THSD7B: variants seen among roughly 807,000 people sequenced by gnomAD.
THSD7B encodes thrombospondin type 1 domain containing 7B.
A neutral mutation model predicts 213.6 loss-of-function variants in THSD7B; 138 were observed. That is an observed-to-expected ratio of 0.65 (90% confidence interval 0.56 to 0.74). The LOEUF is 0.74. Ranked by LOEUF, THSD7B falls within the 30% of genes least tolerant of loss-of-function variation. The pLI is 0.00. For synonymous variants in THSD7B, 742 were observed against 687.0 expected (o/e 1.08, Z -1.25); for missense variants, 1,931 against 1,991.5 (o/e 0.97, Z 0.58).
At chr2:137,155,498 G>A (rs1466696477) in intron 5 of THSD7B, among the ~76,000 whole-genome samples, 1 of 152,160 alleles carries the variant, frequency 6.6e-6, no homozygotes, top group Non-Finnish European at 1.5e-5. Flanking sequence ...TACAAACATC[G>A]TGGCTGGAGT....
chr2:137,552,882 G>C (rs977440512), intron 15 of THSD7B, among the ~76,000 whole-genome samples: 1 of 152,176 alleles, frequency 6.6e-6, no homozygotes, highest in African/African-American at 2.4e-5. Context: ...TGGGGGGAAA[G>C]TGTGAGCCAT....
intron 14 of THSD7B, among the ~76,000 whole-genome samples, chr2:137,442,669 C>A (rs1687440694): frequency 6.6e-6 from 1 of 152,062 alleles, no homozygotes; most frequent in Admixed American, 6.6e-5. Context: ...CATTTCTGCT[C>A]ACATTTTATT....
In THSD7B at chr2:137,189,928, C is replaced by CA. The variant is rs566008317; in HGVS notation, c.1723+18991dup. Among the ~76,000 whole-genome samples the CA allele has an allele frequency of 8.9e-4, 136 of 152,204 alleles. 5 individuals carry two copies. The South Asian group carries it at 0.027, about 30-fold the overall frequency. The stretch of plus-strand genomic sequence containing the variant: ...TCTAAATTGCCTTCCATTCCTAGCA[C>CA]ATTGTTAGACTCGAATCAGTCAGGG... On this transcript the variant is annotated intron_variant, in intron 7 of 27. Transcript: ENST00000409968.
chr2:137,130,644 T>G (rs1171859399), intron 5 of THSD7B, among the ~76,000 whole-genome samples: 3 of 151,070 alleles, frequency 2.0e-5, no homozygotes, highest in Non-Finnish European at 4.4e-5. Flanking sequence ...TTTTTTGTCC[T>G]TGAGATAGTT....
intron 1 of THSD7B, among the ~76,000 whole-genome samples, chr2:136,805,628 C>G (rs970759849): frequency 6.6e-6 from 1 of 152,182 alleles, no homozygotes; most frequent in Non-Finnish European, 1.5e-5. Context: ...CTCCAGGAAG[C>G]AGAACCGTAT....
chr2:137,156,741 A>G (rs760909114), intron 5 of THSD7B, among the ~76,000 whole-genome samples: 1 of 152,134 alleles, frequency 6.6e-6, no homozygotes, highest in Non-Finnish European at 1.5e-5. Context: ...ACTGCCAACC[A>G]TAAGCCCTTC....
In THSD7B at chr2:137,242,483, C is replaced by T. The variant is rs373850259; in HGVS notation, c.2177C>T (p.Thr726Ile). The change falls in exon 10 of 28, where the codon ACT (threonine) becomes ATT (isoleucine). Residue 726 changes from threonine to isoleucine, a missense_variant. Coordinates refer to ENST00000409968, the MANE Select transcript of THSD7B (RefSeq NM_001316349.2). ...TGTCCAGATTCTACTCGACCTGAAA[C>T]TGTGCGCCCCTGTTTTCTCCCATGC... ...KRCPDSTRPE[T>I]VRPCFLPCKK... The T allele has an allele frequency of 9.3e-6, 15 of 1,613,768 alleles. No individual in the cohort carries two copies. The African/African-American group carries it at 1.9e-4, about 20-fold the overall frequency.
intron 2 of THSD7B, among the ~76,000 whole-genome samples, chr2:136,993,634 G>T (rs771811634): frequency 6.6e-6 from 1 of 152,194 alleles, no homozygotes; most frequent in Non-Finnish European, 1.5e-5. Context: ...AAATGAGAAG[G>T]TAATTCATAC....
chr2:136,847,195 G>A (rs1324596922), intron 1 of THSD7B, among the ~76,000 whole-genome samples: 7 of 152,134 alleles, frequency 4.6e-5, no homozygotes, highest in Admixed American at 2.0e-4. Flanking sequence ...GTTACTGGCC[G>A]AGGGGCCAGT....
intron 2 of THSD7B, among the ~76,000 whole-genome samples, chr2:136,959,318 C>T (rs2105082480): frequency 6.6e-6 from 1 of 152,320 alleles, no homozygotes; most frequent in Admixed American, 6.5e-5. Flanking sequence ...TAAGCTGTCC[C>T]TCTCTTCTCT....
chr2:137,539,280 A>AT (rs112065451), intron 15 of THSD7B, among the ~76,000 whole-genome samples: 2 of 151,198 alleles, frequency 1.3e-5, no homozygotes, highest in East Asian at 2.0e-4. Context: ...GATAATTCAA[A>AT]TTTTTTTTTC....
intron 5 of THSD7B, among the ~76,000 whole-genome samples, chr2:137,153,442 C>A (rs962139482): frequency 2.6e-5 from 4 of 152,026 alleles, no homozygotes; most frequent in Admixed American, 2.0e-4. Flanking sequence ...CATCTTCCTG[C>A]CAAATTGTAT....
chr2:137,381,938 T>G (rs1278771818), intron 12 of THSD7B, among the ~76,000 whole-genome samples: 1 of 152,092 alleles, frequency 6.6e-6, no homozygotes, highest in East Asian at 1.9e-4. Context: ...AGGCCACATG[T>G]GAAATGAGCG....
At chr2:137,427,028 A>G (rs1687074912) in intron 14 of THSD7B, among the ~76,000 whole-genome samples, 1 of 152,188 alleles carries the variant, frequency 6.6e-6, no homozygotes, top group African/African-American at 2.4e-5. Context: ...ACAAACAGCC[A>G]ACAAGGATAT....
At chr2:137,232,647 G>A (rs1010042058) in intron 8 of THSD7B, among the ~76,000 whole-genome samples, 1 of 152,190 alleles carries the variant, frequency 6.6e-6, no homozygotes. Context: ...GGGCAACAGA[G>A]TCAATTAATT....
intron 12 of THSD7B, among the ~76,000 whole-genome samples, chr2:137,300,085 C>T (rs1683564773): frequency 6.6e-6 from 1 of 152,074 alleles, no homozygotes; most frequent in African/African-American, 2.4e-5. Context: ...TCTTAAAAAT[C>T]TGTTTCTTAA....
At chr2:137,413,619 G>A (rs1022515216) in intron 14 of THSD7B, among the ~76,000 whole-genome samples, 2 of 152,186 alleles carry the variant, frequency 1.3e-5, no homozygotes, top group African/African-American at 4.8e-5. Flanking sequence ...ATAAAAGCTA[G>A]GAAAGGTGTT....
intron 2 of THSD7B, among the ~76,000 whole-genome samples, chr2:137,008,808 A>G (rs1686167889): frequency 1.3e-5 from 2 of 152,336 alleles, no homozygotes; most frequent in Middle Eastern, 3.4e-3. Context: ...TGCCTGTTGT[A>G]ATCCACTAGA....
intron 2 of THSD7B, among the ~76,000 whole-genome samples, chr2:136,953,080 ATTTG>A (rs1424622952): frequency 6.6e-6 from 1 of 152,192 alleles, no homozygotes; most frequent in Non-Finnish European, 1.5e-5. Context: ...AAGATATTTT[ATTTG>A]TTATTGATCC....
Sources: gnomAD v4.1 joint callset for allele counts (sites outside exome capture counted in the v4.1 genomes callset) on GRCh38, gnomAD v4.1.1 for gene constraint, MANE v1.5 for transcripts, NCBI Gene and HGNC (gene_info 2026-07-23, HGNC 2026-07-21) for gene names.